AVL9: variants seen among roughly 807,000 people sequenced by gnomAD.
AVL9 encodes the protein late secretory pathway protein AVL9 homolog.
AVL9 carries 49 observed loss-of-function variants against 79.2 expected under a neutral mutation model. The ratio of observed to expected loss-of-function variants is 0.62; its 90% CI spans 0.49 to 0.79. The LOEUF is 0.79. Among genes scored for constraint, AVL9 ranks in the 30% least tolerant of loss-of-function variants. The probability of loss-of-function intolerance (pLI) is 0.00; values close to 1 mark genes in which losing one functional copy is unlikely to be tolerated. For synonymous variants in AVL9, 299 were observed against 280.6 expected, an observed-to-expected ratio of 1.07 and a Z score of -0.65; for missense variants, 682 against 776.8, an observed-to-expected ratio of 0.88 and a Z score of 1.45.
At chr7:32,541,897 T>C (rs1789226756) in intron 1 of AVL9, among the ~76,000 whole-genome samples, 1 of 152,018 alleles carries the variant, frequency 6.6e-6, no homozygotes, top group African/African-American at 2.4e-5. Context: ...ATATTTTTAG[T>C]AGGGACGGGA....
intron 1 of AVL9, among the ~76,000 whole-genome samples, chr7:32,516,805 G>A (rs957832233): frequency 6.7e-6 from 1 of 149,874 alleles, no homozygotes; most frequent in Non-Finnish European, 1.5e-5. Context: ...ATCTAAGAAT[G>A]GGAAAAACAA....
intron 15 of AVL9, among the ~76,000 whole-genome samples, chr7:32,583,438 C>T (rs1791607957): frequency 6.6e-6 from 1 of 152,200 alleles, no homozygotes; most frequent in African/African-American, 2.4e-5. Context: ...TGGCTCACAC[C>T]TGTGATCCCA....
chr7:32,551,317 C>A lies in AVL9; in HGVS notation c.373-17C>A. 6.6e-7 allele frequency: 1 copy of A among 1,518,352 alleles called. No individual in the cohort carries two copies. The highest frequency in any genetic ancestry group is 9.1e-7 in the Non-Finnish European group (1 of 1,099,212). The allele number at this position is 1,518,352 out of a possible 1,614,324, so 94.1% of individuals were successfully genotyped here. ...ACTAATTATTAATCAATGGTAATTT[C>A]TCTTTTTTCCTTTAAGCCTCTGTAT... On this transcript the variant is annotated splice_polypyrimidine_tract_variant and intron_variant, in intron 4 of 15. Transcript: ENST00000318709.
At chr7:32,513,263 G>C (rs1210969014) in intron 1 of AVL9, among the ~76,000 whole-genome samples, 2 of 152,162 alleles carry the variant, frequency 1.3e-5, no homozygotes, top group Admixed American at 1.3e-4. Context: ...CTCAGCCAGG[G>C]CACCCTAAAA....
Position 32,584,915 on chromosome 7 carries a change from A to G in AVL9, c.*1008A>G, listed in dbSNP as rs1195129863. On this transcript the variant is annotated 3_prime_UTR_variant, in exon 16 of 16. Transcript: ENST00000318709. ...CTCCCAAGTAGCTGGGATTATGGAC[A>G]TGCGCCACCATGCCCAGCTAATTAT... is the stretch of plus-strand genomic sequence containing the variant. The G allele has an allele frequency of 6.6e-6, 1 of 151,686 alleles. No homozygotes were observed. Among genetic ancestry groups the G allele is most frequent in the Non-Finnish European group, 1.5e-5 (1 of 68,006 alleles). 9.4% of individuals were successfully genotyped at this position (151,686 alleles called of 1,614,324 possible).
At chr7:32,501,910 C>T (rs1787143567) in intron 1 of AVL9, among the ~76,000 whole-genome samples, 1 of 152,092 alleles carries the variant, frequency 6.6e-6, no homozygotes, top group Non-Finnish European at 1.5e-5. Context: ...GGGAGAAGAG[C>T]CTACTTACCT....
chr7:32,528,092 A>G (rs984082115), intron 1 of AVL9, among the ~76,000 whole-genome samples: 3 of 152,126 alleles, frequency 2.0e-5, no homozygotes, highest in Non-Finnish European at 4.4e-5. Context: ...CTTCACCCAG[A>G]CATTCCTTTC....
At chr7:32,518,577 G>A (rs1287154926) in intron 1 of AVL9, among the ~76,000 whole-genome samples, 1 of 152,092 alleles carries the variant, frequency 6.6e-6, no homozygotes, top group Non-Finnish European at 1.5e-5. Flanking sequence ...AAATAAGAAA[G>A]AAGTTATATA....
intron 12 of AVL9, among the ~76,000 whole-genome samples, chr7:32,575,561 T>C (rs573918273): frequency 3.3e-5 from 5 of 152,278 alleles, no homozygotes; most frequent in African/African-American, 1.2e-4. Context: ...TAGAAAGATA[T>C]CCCAATTGCC....
At chr7:32,557,067 A>C (rs1790094902) in intron 8 of AVL9, among the ~76,000 whole-genome samples, 1 of 152,222 alleles carries the variant, frequency 6.6e-6, no homozygotes, top group Non-Finnish European at 1.5e-5. Context: ...AGAAAAAGAA[A>C]ATATTCCTAC....
rs1170255883 is a variant in AVL9, at chr7:32,588,719, G to A, written c.*4812G>A. On this transcript the variant is annotated 3_prime_UTR_variant, in exon 16 of 16. Transcript: ENST00000318709. ...GATCCTGTTCACCCTGCCTACAGTT[G>A]GACTTGACCTGTCCTAGAAGTACCC... 1 of 69,156 alleles carries A rather than the reference G, an allele frequency of 1.4e-5. No individual in the cohort carries two copies. The highest frequency in any genetic ancestry group is 6.0e-5 in the African/African-American group (1 of 16,584). The allele number at this position is 69,156 out of a possible 1,614,324, so 4.3% of individuals were successfully genotyped here. A position where few individuals can be genotyped will look rare whatever the true frequency, so the allele number is the denominator to read the frequency against.
rs372333719 is a variant in AVL9, at chr7:32,573,356, A to T, written c.1508A>T (p.Glu503Val). Residue 503 changes from glutamate (E) to valine (V), a missense_variant, in exon 12 of 16, where the codon GAA becomes GTA. Physicochemically the swap from Glu to Val is moderately radical, Grantham distance 121 (BLOSUM62 -2). Transcript: ENST00000318709. ...GGCACGGGCTGGGAGGGAGGTGACG[A>T]ATGGATCCGGGCCCAGTTTGCGGTC... ...LDGTGWEGGD[E>V]WIRAQFAVYI... The T allele has an allele frequency of 6.2e-7, 1 of 1,613,902 alleles. No individual in the cohort carries two copies. The highest frequency in any genetic ancestry group is 1.3e-5 in the African/African-American group (1 of 74,964).
At chr7:32,521,408 G>A (rs1048616344) in intron 1 of AVL9, among the ~76,000 whole-genome samples, 1 of 152,182 alleles carries the variant, frequency 6.6e-6, no homozygotes, top group Non-Finnish European at 1.5e-5. Flanking sequence ...GAACTTGTTG[G>A]GAACTGGAGT....
At chr7:32,541,062 T>A (rs973035986) in intron 1 of AVL9, among the ~76,000 whole-genome samples, 1 of 151,670 alleles carries the variant, frequency 6.6e-6, no homozygotes, top group Non-Finnish European at 1.5e-5. Context: ...CCACTACGTC[T>A]GGCTAATTTT....
intron 12 of AVL9, among the ~76,000 whole-genome samples, chr7:32,574,853 T>C (rs1431296318): frequency 6.6e-6 from 1 of 152,210 alleles, no homozygotes; most frequent in Non-Finnish European, 1.5e-5. Flanking sequence ...ACAACTTCTT[T>C]ATGCTGTGTA....
At chr7:32,566,404 A>G (rs1169905930) in intron 10 of AVL9, among the ~76,000 whole-genome samples, 2 of 150,774 alleles carry the variant, frequency 1.3e-5, no homozygotes, top group Non-Finnish European at 3.0e-5. Flanking sequence ...CCTGAGCTCA[A>G]GCAGTCTGCC....
chr7:32,525,858 T>C (rs1337931373), intron 1 of AVL9, among the ~76,000 whole-genome samples: 2 of 152,314 alleles, frequency 1.3e-5, no homozygotes, highest in East Asian at 3.9e-4. Flanking sequence ...AATGCCCTAC[T>C]ACTAAAACTG....
At chr7:32,544,845 G>A in intron 3 of AVL9, 66 bp downstream of exon 3, 1 of 1,199,364 alleles carries the variant, frequency 8.3e-7, no homozygotes, top group Non-Finnish European at 1.2e-6. Context: ...CTTAAACACA[G>A]TCTTTATTTT....
At chr7:32,564,555 C>A (rs997206997) in intron 10 of AVL9, among the ~76,000 whole-genome samples, 1 of 152,126 alleles carries the variant, frequency 6.6e-6, no homozygotes, top group Admixed American at 6.6e-5. Context: ...AAACAAATTT[C>A]TACATAATAA....
Sources: allele counts gnomAD v4.1 joint callset (sites outside exome capture counted in the v4.1 genomes callset), GRCh38; gene constraint gnomAD v4.1.1; transcripts MANE v1.5; gene names NCBI Gene and HGNC (gene_info 2026-07-23, HGNC 2026-07-21).